FYTTD1: variants seen among roughly 807,000 people sequenced by gnomAD.
FYTTD1 encodes the protein forty-two-three domain containing 1, also known as UAP56-interacting factor.
In FYTTD1, 22 loss-of-function variants were observed where a neutral mutation model predicts 40.9. The observed-to-expected ratio is 0.54, with a 90% confidence interval of 0.38 to 0.77. FYTTD1 has a LOEUF of 0.77. Ranked by LOEUF, FYTTD1 falls within the 30% of genes least tolerant of loss-of-function variation. FYTTD1 has a pLI of 0.00. For synonymous variants in FYTTD1, 140 were observed against 137.9 expected, an observed-to-expected ratio of 1.01 and a Z score of -0.10; for missense variants, 351 against 392.2, an observed-to-expected ratio of 0.90 and a Z score of 0.89.
Position 197,782,379 on chromosome 3 carries a change from C to T in FYTTD1, c.*470C>T, listed in dbSNP as rs1300786107. 2 of 152,176 alleles carry T rather than the reference C, an allele frequency of 1.3e-5. No individual in the cohort carries two copies. The highest frequency in any genetic ancestry group is 2.9e-5 in the Non-Finnish European group (2 of 68,106). The allele number at this position is 152,176 out of a possible 1,614,324, so 9.4% of individuals were successfully genotyped here. A position where few individuals can be genotyped will look rare whatever the true frequency, so the allele number is the denominator to read the frequency against. ...GCCGTTGCCTTTTCTTCATTAGAGACACAGAACAATGTATTAGAATTTCCA... is the reference window on the plus strand; with the variant it reads ...GCCGTTGCCTTTTCTTCATTAGAGATACAGAACAATGTATTAGAATTTCCA... On this transcript the variant is annotated 3_prime_UTR_variant, in exon 9 of 9. Transcript: ENST00000241502.
rs765095636 is a variant in FYTTD1 at position 197,778,403 on chromosome 3, A to C, written c.797A>C (p.Asp266Ala). The C allele has an allele frequency of 7.4e-6, 12 of 1,611,786 alleles. No homozygotes were observed. In the African/African-American group the frequency reaches 1.6e-4, roughly 21 times the overall value. ...PSFLTKREQSDVKKVPKGVPL... is the reference protein window; with the variant it reads ...PSFLTKREQSAVKKVPKGVPL... ...TTTTTAACAAAGCGGGAGCAAAGTG[A>C]CGTCAAGAAAGTTCCTAAAGGTGTT... Residue 266 changes from aspartate (D) to alanine (A), a missense_variant, in exon 8 of 9, where the codon GAC becomes GCC. Physicochemically the swap from Asp to Ala is moderately radical, Grantham distance 126 (BLOSUM62 -2). Coordinates refer to ENST00000241502, the MANE Select transcript of FYTTD1 (RefSeq NM_032288.7).
At chr3:197,778,561 A>G in intron 8 of FYTTD1, 97 bp downstream of exon 8, 2 of 802,936 alleles carry the variant, frequency 2.5e-6, no homozygotes, top group Admixed American at 2.9e-5. Flanking sequence ...AAGGTATCCT[A>G]ACTGCCCCCT....
At chr3:197,769,111 A>G (rs1022785733) in intron 3 of FYTTD1, among the ~76,000 whole-genome samples, 2 of 150,922 alleles carry the variant, frequency 1.3e-5, no homozygotes, top group East Asian at 2.0e-4. Flanking sequence ...TTTTCAAGAC[A>G]GAGTCTTGCT....
chr3:197,751,036 G>C (rs1729018674), intron 1 of FYTTD1, among the ~76,000 whole-genome samples: 2 of 152,224 alleles, frequency 1.3e-5, no homozygotes, highest in Non-Finnish European at 2.9e-5. Context: ...CCAGGTGTTT[G>C]GCTGGCAGTT....
chr3:197,767,314 A>G (rs907809027), intron 2 of FYTTD1, among the ~76,000 whole-genome samples: 3 of 150,402 alleles, frequency 2.0e-5, no homozygotes, highest in Non-Finnish European at 4.4e-5. Context: ...AATTTTTTGT[A>G]TTTTTAGTAC....
rs901047881 is a variant in FYTTD1, at chr3:197,749,890, C to T, written c.-82C>T. ...GCGCGTGCGCGCTCCCTCGGTGCGG[C>T]GGGCTGCGTGCGCGAGTGGGAGGTG... On this transcript the variant is annotated 5_prime_UTR_variant, in exon 1 of 9. Coordinates refer to ENST00000241502, the MANE Select transcript of FYTTD1 (RefSeq NM_032288.7). 20 of 870,054 alleles carry T rather than the reference C, an allele frequency of 2.3e-5. No individual in the cohort carries two copies. The highest frequency in any genetic ancestry group is 3.3e-5 in the Non-Finnish European group (20 of 606,150). 53.9% of individuals were successfully genotyped at this position (870,054 alleles called of 1,614,324 possible). A position where few individuals can be genotyped will look rare whatever the true frequency, so the allele number is the denominator to read the frequency against.
chr3:197,782,934 T>C lies in FYTTD1; in HGVS notation c.*1025T>C, dbSNP rs1468930509. 6.6e-6 allele frequency: 1 copy of C among 152,618 alleles called. No individual in the cohort carries two copies. The highest frequency in any genetic ancestry group is 1.5e-5 in the Non-Finnish European group (1 of 68,036). 9.5% of individuals were successfully genotyped at this position (152,618 alleles called of 1,614,324 possible). On this transcript the variant is annotated 3_prime_UTR_variant, in exon 9 of 9. Coordinates refer to ENST00000241502, the MANE Select transcript of FYTTD1 (RefSeq NM_032288.7). The stretch of plus-strand genomic sequence containing the variant: ...TTTATGAGCTTTGAAGATTGCTAAA[T>C]TAAATAATTTATAGCTCCAAAAACA...
At chr3:197,773,808 C>G (rs552739201) in intron 5 of FYTTD1, among the ~76,000 whole-genome samples, 1 of 150,380 alleles carries the variant, frequency 6.6e-6, no homozygotes. Flanking sequence ...GCTGCACTCA[C>G]GCACACACCC....
intron 4 of FYTTD1, among the ~76,000 whole-genome samples, chr3:197,771,010 T>C (rs187545001): frequency 6.6e-6 from 1 of 152,350 alleles, no homozygotes; most frequent in East Asian, 1.9e-4. Context: ...TCATGAACAC[T>C]TGTTAAACTG....
intron 2 of FYTTD1, among the ~76,000 whole-genome samples, chr3:197,759,670 C>A (rs1368022787): frequency 7.3e-6 from 1 of 137,360 alleles, no homozygotes; most frequent in Non-Finnish European, 1.6e-5. Flanking sequence ...AGTGGTAGAA[C>A]GTATAGAGTT....
At chr3:197,768,362 TGGGAA>T (rs1450378265) in intron 2 of FYTTD1, 72 bp from the exon 3 acceptor site, 2 of 1,050,132 alleles carry the variant, frequency 1.9e-6, no homozygotes, top group Non-Finnish European at 2.7e-6. Context: ...CCCCCTTCCT[TGGGAA>T]ATAGAATATC....
intron 1 of FYTTD1, among the ~76,000 whole-genome samples, chr3:197,751,374 C>A (rs1302920811): frequency 1.3e-5 from 2 of 152,240 alleles, no homozygotes; most frequent in African/African-American, 4.8e-5. Flanking sequence ...GGCGCGGTGG[C>A]TCACGCCTGC....
chr3:197,769,697 G>GT (rs1729658637), intron 3 of FYTTD1, among the ~76,000 whole-genome samples: 1 of 151,792 alleles, frequency 6.6e-6, no homozygotes, highest in Non-Finnish European at 1.5e-5. Flanking sequence ...GCATGCATTT[G>GT]TTTTGGAACT....
In FYTTD1 at chr3:197,768,493, G is replaced by A. The variant is rs761860704; in HGVS notation, c.290G>A (p.Arg97His). The change falls in exon 3 of 9, where the codon CGT (arginine) becomes CAT (histidine). Residue 97 changes from arginine (R) to histidine (H), a missense_variant. Physicochemically the swap from Arg to His is conservative, Grantham distance 29 (BLOSUM62 0). Coordinates refer to ENST00000241502, the MANE Select transcript of FYTTD1 (RefSeq NM_032288.7). ...RRGRVMPGKR[R>H]PNGVITGLAA... is the part of the protein sequence containing the mutation. ...GGAAGAGTAATGCCTGGAAAGAGACGTCCTAATGGAGTTATCACTGGCCTT... is the reference window on the plus strand; with the variant it reads ...GGAAGAGTAATGCCTGGAAAGAGACATCCTAATGGAGTTATCACTGGCCTT... 16 of 1,612,470 alleles carry A rather than the reference G, an allele frequency of 9.9e-6. No homozygotes were observed. Among genetic ancestry groups the A allele is most frequent in the African/African-American group, 6.7e-5 (5 of 74,878 alleles).
Position 197,786,979 on chromosome 3 carries a change from A to G in FYTTD1, c.*5070A>G, listed in dbSNP as rs1001474669. On this transcript the variant is annotated 3_prime_UTR_variant, in exon 9 of 9. Transcript: ENST00000241502. ...ACAGCCAACTAATTTTTGTGTTTTT[A>G]GTAGAAATGAGTTTTCACCATGTTG... 2.0e-5 allele frequency: 3 copies of G among 151,996 alleles called. No individual in the cohort carries two copies. The highest frequency in any genetic ancestry group is 4.8e-5 in the African/African-American group (2 of 41,362). The allele number at this position is 151,996 out of a possible 1,614,324, so 9.4% of individuals were successfully genotyped here.
intron 3 of FYTTD1, among the ~76,000 whole-genome samples, chr3:197,769,655 G>A (rs1479088664): frequency 6.6e-6 from 1 of 152,144 alleles, no homozygotes; most frequent in Admixed American, 6.6e-5. Flanking sequence ...CGTCTTTGCT[G>A]TCATAACTTC....
rs1206195934 is a variant in FYTTD1 at position 197,785,936 on chromosome 3, T to C, written c.*4027T>C. ...TGGATAGATCAATTTGGAACTAGCTTCTTTTTTTTTTTTTTAAATGATACT... is the reference window on the plus strand; with the variant it reads ...TGGATAGATCAATTTGGAACTAGCTCCTTTTTTTTTTTTTTAAATGATACT... On this transcript the variant is annotated 3_prime_UTR_variant, in exon 9 of 9. Transcript: ENST00000241502. 1 of 150,914 alleles carries C rather than the reference T, an allele frequency of 6.6e-6. No individual in the cohort carries two copies. The highest frequency in any genetic ancestry group is 1.5e-5 in the Non-Finnish European group (1 of 67,774). 9.3% of individuals were successfully genotyped at this position (150,914 alleles called of 1,614,324 possible). A position where few individuals can be genotyped will look rare whatever the true frequency, so the allele number is the denominator to read the frequency against.
At chr3:197,752,828 A>G (rs1729104404) in intron 1 of FYTTD1, among the ~76,000 whole-genome samples, 1 of 152,178 alleles carries the variant, frequency 6.6e-6, no homozygotes, top group African/African-American at 2.4e-5. Context: ...GGCATAGAGA[A>G]ATTAAGTAAC....
At chr3:197,763,181 A>C (rs574204424) in intron 2 of FYTTD1, among the ~76,000 whole-genome samples, 2 of 151,688 alleles carry the variant, frequency 1.3e-5, no homozygotes, top group Non-Finnish European at 2.9e-5. Context: ...TGGGAGCCCG[A>C]GGTGGGTGGA....
Sources: allele counts gnomAD v4.1 joint callset (sites outside exome capture counted in the v4.1 genomes callset), GRCh38; gene constraint gnomAD v4.1.1; transcripts MANE v1.5; gene names NCBI Gene and HGNC (gene_info 2026-07-23, HGNC 2026-07-21).